Variants in JARID2 observed in about 807,000 individuals in gnomAD.
JARID2 encodes protein Jumonji.
Under a neutral mutation model 125.6 loss-of-function variants are expected in JARID2, and 21 were observed. That is an observed-to-expected ratio of 0.17 (90% CI 0.12 to 0.24). JARID2 has a LOEUF of 0.24. JARID2 is among the 10% of genes least tolerant of loss of function. The pLI is 1.00. For missense variants in JARID2, 1,303 were observed against 1,639.6 expected, an observed-to-expected ratio of 0.79 and a Z score of 3.55; for synonymous variants, 736 against 661.6, an observed-to-expected ratio of 1.11 and a Z score of -1.73.
chr6:15,288,093 G>A (rs1761069640), intron 1 of JARID2, among the ~76,000 whole-genome samples: 1 of 152,152 alleles, frequency 6.6e-6, no homozygotes, highest in South Asian at 2.1e-4. Flanking sequence ...AAGGCACATT[G>A]GTGGTATGGT....
chr6:15,420,858 G>A (rs759749741), intron 3 of JARID2, among the ~76,000 whole-genome samples: 11 of 152,172 alleles, frequency 7.2e-5, no homozygotes, highest in Non-Finnish European at 1.6e-4. Context: ...TATGGATTAT[G>A]TTTACCATGT....
intron 16 of JARID2, among the ~76,000 whole-genome samples, chr6:15,514,925 G>T (rs535662204): frequency 4.6e-5 from 7 of 152,240 alleles, no homozygotes; most frequent in African/African-American, 1.7e-4. Context: ...TTCTCAAAAT[G>T]TATTACCTAG....
intron 1 of JARID2, among the ~76,000 whole-genome samples, chr6:15,265,223 T>C (rs1392963569): frequency 6.6e-6 from 1 of 152,172 alleles, no homozygotes; most frequent in East Asian, 1.9e-4. Context: ...CCTTGTAATG[T>C]TGGCCGGATC....
chr6:15,416,381 A>T (rs570143125), intron 3 of JARID2, among the ~76,000 whole-genome samples: 1 of 152,118 alleles, frequency 6.6e-6, no homozygotes. Context: ...ACGCCACTGC[A>T]CTCCAGCCTG....
intron 1 of JARID2, among the ~76,000 whole-genome samples, chr6:15,251,485 A>T (rs944622358): frequency 6.6e-6 from 1 of 152,074 alleles, no homozygotes; most frequent in African/African-American, 2.4e-5. Flanking sequence ...CCTTTTGTCT[A>T]CCCATCCTGC....
At chr6:15,374,323 AT>A in intron 2 of JARID2, 71 bp downstream of exon 2, 2 of 1,525,036 alleles carry the variant, frequency 1.3e-6, no homozygotes, top group Non-Finnish European at 1.8e-6. Context: ...CCTGAATTGG[AT>A]GTATTCTGGC....
In JARID2 at chr6:15,382,802, G is replaced by T. The variant is rs547751887; in HGVS notation, c.181+8550G>T. ...AATGGAGGTGCCTGAGGAGGTTAAT[G>T]TGCTCCTCTTTCGGGTCACTTTGTG... On this transcript the variant is annotated intron_variant, in intron 2 of 17. Transcript: ENST00000341776. Among the ~76,000 whole-genome samples the T allele has an allele frequency of 2.6e-5, 4 of 152,216 alleles. No homozygotes were observed. The South Asian group carries it at 8.3e-4, about 31-fold the overall frequency.
chr6:15,259,541 G>T (rs2127318769), intron 1 of JARID2, among the ~76,000 whole-genome samples: 1 of 152,326 alleles, frequency 6.6e-6, no homozygotes, highest in Admixed American at 6.5e-5. Context: ...ATTTGGAGTG[G>T]CAAATGCCAC....
rs557866280 is a variant in JARID2 at position 15,324,852 on chromosome 6, A to G, written c.46-49265A>G. Among the ~76,000 whole-genome samples, 731 of 150,508 alleles carry G rather than the reference A, an allele frequency of 4.9e-3. 7 individuals are homozygous for G. The highest frequency in any genetic ancestry group is 0.016 in the African/African-American group (677 of 41,254). ...GGGTCAGAGGTGGTTTTGTTATTAA[A>G]AAAAAAAAAAAGAAAAGAATGTCTT... On this transcript the variant is annotated intron_variant, in intron 1 of 17. Coordinates refer to ENST00000341776, the MANE Select transcript of JARID2 (RefSeq NM_004973.4).
At chr6:15,400,885 C>A (rs947423700) in intron 2 of JARID2, 2 of 1,288,094 alleles carry the variant, frequency 1.6e-6, no homozygotes. Flanking sequence ...CCTCACTGCG[C>A]TCTTCCTCCC....
At chr6:15,516,709 G>T (rs1487660678) in intron 16 of JARID2, among the ~76,000 whole-genome samples, 1 of 152,202 alleles carries the variant, frequency 6.6e-6, no homozygotes, top group Non-Finnish European at 1.5e-5. Flanking sequence ...TCCCCGGGTG[G>T]CCGCCTAAGT....
intron 2 of JARID2, among the ~76,000 whole-genome samples, chr6:15,375,104 G>A (rs1164869993): frequency 2.0e-5 from 3 of 152,154 alleles, no homozygotes; most frequent in Non-Finnish European, 4.4e-5. Context: ...GGGTGCCAAA[G>A]GACAGGTTCA....
intron 1 of JARID2, among the ~76,000 whole-genome samples, chr6:15,251,604 A>G (rs562422731): frequency 4.6e-5 from 7 of 152,296 alleles, no homozygotes; most frequent in African/African-American, 1.4e-4. Context: ...AGTCTTGCCA[A>G]GTGTCAGTTG....
intron 5 of JARID2, among the ~76,000 whole-genome samples, chr6:15,469,937 G>A (rs1171221050): frequency 4.6e-5 from 7 of 152,056 alleles, no homozygotes; most frequent in Middle Eastern, 3.2e-3. Flanking sequence ...CCAGGACTTT[G>A]GGAGGCTGAG....
intron 4 of JARID2, among the ~76,000 whole-genome samples, chr6:15,455,220 T>C (rs1768106116): frequency 6.6e-6 from 1 of 151,262 alleles, no homozygotes; most frequent in Non-Finnish European, 1.5e-5. Context: ...AATGGTGATA[T>C]GGGACTCTTA....
chr6:15,507,491 A>G, intron 11 of JARID2, 75 bp downstream of exon 11: 1 of 1,282,152 alleles, frequency 7.8e-7, no homozygotes, highest in South Asian at 1.2e-5. Context: ...AGGGCTGGGA[A>G]ATCCCTTCTA....
At chr6:15,454,780 T>G (rs1323647324) in intron 4 of JARID2, among the ~76,000 whole-genome samples, 1 of 152,046 alleles carries the variant, frequency 6.6e-6, no homozygotes, top group Admixed American at 6.5e-5. Flanking sequence ...CAACATGCCT[T>G]AGTTTTTACA....
chr6:15,485,999 G>T (rs945089541), intron 5 of JARID2, among the ~76,000 whole-genome samples: 2 of 152,226 alleles, frequency 1.3e-5, no homozygotes, highest in African/African-American at 4.8e-5. Flanking sequence ...TCTACCTGAA[G>T]TTCTGCCAGT....
Position 15,357,118 on chromosome 6 carries a change from G to C in JARID2, c.46-16999G>C, listed in dbSNP as rs9464784. On this transcript the variant is annotated intron_variant, in intron 1 of 17. Transcript: ENST00000341776. The stretch of plus-strand genomic sequence containing the variant: ...GTGCAGAGTGAAAGACCATCTCTAG[G>C]GAACGAAGCCTTACTGGCAAGACTA... Among the ~76,000 whole-genome samples, 210 of 152,304 alleles carry C rather than the reference G, an allele frequency of 1.4e-3. 1 individual carries two copies. Among genetic ancestry groups the C allele is most frequent in the African/African-American group, 4.9e-3 (204 of 41,558 alleles).
Sources: allele counts gnomAD v4.1 joint callset (sites outside exome capture counted in the v4.1 genomes callset), GRCh38; gene constraint gnomAD v4.1.1; transcripts MANE v1.5; gene names NCBI Gene and HGNC (gene_info 2026-07-23, HGNC 2026-07-21).